Variants in UGT1A3 observed in about 807,000 individuals in gnomAD.
UGT1A3 encodes UDP-glucuronosyltransferase 1A3.
UGT1A3 carries 31 observed loss-of-function variants against 41.0 expected under a neutral mutation model. The ratio of observed to expected loss-of-function variants is 0.76; its 90% confidence interval spans 0.57 to 1.02. The LOEUF is 1.02. UGT1A3 is among the 50% of genes least tolerant of loss of function. The probability of loss-of-function intolerance (pLI) is 0.00; values close to 1 mark genes in which losing one functional copy is unlikely to be tolerated. For missense variants in UGT1A3, 737 were observed against 671.0 expected (o/e 1.10, Z -1.09); for synonymous variants, 262 against 257.6 (o/e 1.02, Z -0.17).
chr2:233,736,460 A>G (rs1342574700), intron 1 of UGT1A3, among the ~76,000 whole-genome samples: 1 of 152,154 alleles, frequency 6.6e-6, no homozygotes, highest in Non-Finnish European at 1.5e-5. Context: ...TCGAACATGC[A>G]CTTTTAGCTT....
At chr2:233,739,666 C>T (rs1691171708) in intron 1 of UGT1A3, among the ~76,000 whole-genome samples, 1 of 152,188 alleles carries the variant, frequency 6.6e-6, no homozygotes, top group East Asian at 1.9e-4. Context: ...CCCATTGTGT[C>T]TTGGAAGTTA....
chr2:233,763,255 TTTGTC>T (rs2126002913), intron 1 of UGT1A3, among the ~76,000 whole-genome samples: 2 of 152,364 alleles, frequency 1.3e-5, no homozygotes, highest in Non-Finnish European at 2.9e-5. Context: ...AGTAACCTGT[TTTGTC>T]TTGTTGCATG....
chr2:233,766,578 G>C (rs1048038001), intron 1 of UGT1A3, among the ~76,000 whole-genome samples: 1 of 152,134 alleles, frequency 6.6e-6, no homozygotes, highest in Non-Finnish European at 1.5e-5. Flanking sequence ...ACAGGTCTGG[G>C]GGTGGAGCCC....
intron 1 of UGT1A3, chr2:233,742,083 T>C (rs971909103): frequency 2.6e-5 from 4 of 151,868 alleles, no homozygotes; most frequent in Non-Finnish European, 5.9e-5. Context: ...ATCCTTTTTT[T>C]ACATTTCCAG....
At chr2:233,762,959 A>G (rs910713716) in intron 1 of UGT1A3, among the ~76,000 whole-genome samples, 4 of 152,252 alleles carry the variant, frequency 2.6e-5, no homozygotes, top group African/African-American at 9.6e-5. Flanking sequence ...GCAATAGGAA[A>G]GATGCCCGTC....
intron 1 of UGT1A3, among the ~76,000 whole-genome samples, chr2:233,732,241 G>T (rs2078253316): frequency 6.6e-6 from 1 of 152,170 alleles, no homozygotes; most frequent in South Asian, 2.1e-4. Context: ...TCTGTAGGTT[G>T]CCTGTTCACT....
rs1700515616 is a variant in UGT1A3, at chr2:233,772,390, C to A, written c.1436C>A (p.Ala479Asp). 4 of 1,614,144 alleles carry A rather than the reference C, an allele frequency of 2.5e-6. No individual in the cohort carries two copies. The highest frequency in any genetic ancestry group is 3.4e-6 in the Non-Finnish European group (4 of 1,180,058). Residue 479 changes from alanine (A) to aspartate (D), a missense_variant, in exon 5 of 5, where the codon GCC (alanine) becomes GAC (aspartate). Transcript: ENST00000482026. ...GGCGCGCCACACCTGCGCCCCGCAGCCCACGACCTCACCTGGTACCAGTAC... is the reference window on the plus strand; with the variant it reads ...GGCGCGCCACACCTGCGCCCCGCAGACCACGACCTCACCTGGTACCAGTAC... ...HKGAPHLRPA[A>D]HDLTWYQYHS...
chr2:233,729,232 A>T lies in UGT1A3; in HGVS notation c.106A>T (p.Ile36Phe). The change falls in exon 1 of 5, where the codon ATT becomes TTT. Residue 36 changes from isoleucine (I) to phenylalanine (F), a missense_variant. Coordinates refer to ENST00000482026, the MANE Select transcript of UGT1A3 (RefSeq NM_019093.4). ...AESGKVLVVP[I>F]DGSHWLSMRE... Reference sequence around the variant, plus strand: ...GAGTGGAAAGGTGTTGGTGGTGCCCATTGATGGCAGCCACTGGCTCAGCAT... The same window carrying T: ...GAGTGGAAAGGTGTTGGTGGTGCCCTTTGATGGCAGCCACTGGCTCAGCAT... The T allele has an allele frequency of 6.2e-7, 1 of 1,614,202 alleles. No individual in the cohort carries two copies. Among genetic ancestry groups the T allele is most frequent in the African/African-American group, 1.3e-5 (1 of 75,072 alleles).
At chr2:233,748,975 A>G (rs527445283) in intron 1 of UGT1A3, among the ~76,000 whole-genome samples, 1 of 151,758 alleles carries the variant, frequency 6.6e-6, no homozygotes, top group African/African-American at 2.4e-5. Context: ...AGTGGGATCT[A>G]CTTCTTTACC....
chr2:233,736,773 T>A (rs572779533), intron 1 of UGT1A3, among the ~76,000 whole-genome samples: 1 of 152,322 alleles, frequency 6.6e-6, no homozygotes, highest in African/African-American at 2.4e-5. Flanking sequence ...AACAGTCAGA[T>A]CCCTCAGCTG....
At chr2:233,739,292 G>A (rs907438916) in intron 1 of UGT1A3, among the ~76,000 whole-genome samples, 2 of 152,186 alleles carry the variant, frequency 1.3e-5, no homozygotes, top group African/African-American at 4.8e-5. Flanking sequence ...AGTCTCCACT[G>A]GGGCACTGCC....
chr2:233,759,557 C>T (rs1697172001), intron 1 of UGT1A3, among the ~76,000 whole-genome samples: 1 of 152,070 alleles, frequency 6.6e-6, no homozygotes, highest in South Asian at 2.1e-4. Context: ...AGTGAATTTC[C>T]CTTTCTGGTC....
At position 233,729,091 on chromosome 2, in the gene UGT1A3, G is replaced by C. The variant is rs745755811; in HGVS notation, c.-36G>C. 4.3e-5 allele frequency: 70 copies of C among 1,612,484 alleles called. No individual in the cohort carries two copies. Among genetic ancestry groups the C allele is most frequent in the Non-Finnish European group, 5.1e-5 (60 of 1,179,922 alleles). On this transcript the variant is annotated 5_prime_UTR_variant, in exon 1 of 5. Transcript: ENST00000482026. ...AAAGCAAATGTAGCAGGCACAGCGT[G>C]GGGTGGACAGTCAGCTGTCCGTGTC...
At chr2:233,732,493 G>A (rs141356640) in intron 1 of UGT1A3, among the ~76,000 whole-genome samples, 3,223 of 152,294 alleles carry the variant, frequency 0.021, 102 homozygotes, top group African/African-American at 0.073. Context: ...TGTATAAGGC[G>A]TAAGGAAGGG....
At chr2:233,761,722 G>C (rs1220395060) in intron 1 of UGT1A3, among the ~76,000 whole-genome samples, 1 of 152,224 alleles carries the variant, frequency 6.6e-6, no homozygotes, top group African/African-American at 2.4e-5. Context: ...CAAGCTATTA[G>C]GTTTATTTTT....
chr2:233,767,305 G>GT (rs1444114295), intron 2 of UGT1A3, 140 bp downstream of exon 2: 37 of 1,518,952 alleles, frequency 2.4e-5, no homozygotes, highest in Admixed American at 1.8e-4. Flanking sequence ...TAATCCAAAG[G>GT]TTTTTTTTGT....
At chr2:233,735,563 C>T (rs530958068) in intron 1 of UGT1A3, among the ~76,000 whole-genome samples, 4 of 152,230 alleles carry the variant, frequency 2.6e-5, no homozygotes, top group East Asian at 1.9e-4. Flanking sequence ...ATGGTGTTAT[C>T]GGGTTATTTT....
intron 1 of UGT1A3, among the ~76,000 whole-genome samples, chr2:233,738,666 G>A (rs919948655): frequency 6.6e-6 from 1 of 152,198 alleles, no homozygotes; most frequent in Non-Finnish European, 1.5e-5. Flanking sequence ...GAACTTGAGA[G>A]AGATGATCTG....
chr2:233,768,423 G>A lies in UGT1A3; in HGVS notation c.1291G>A (p.Val431Ile). The A allele has an allele frequency of 6.2e-7, 1 of 1,614,098 alleles. No homozygotes were observed. The highest frequency in any genetic ancestry group is 8.5e-7 in the Non-Finnish European group (1 of 1,180,004). The change falls in exon 4 of 5, where the codon GTC (valine) becomes ATC (isoleucine). Residue 431 changes from valine to isoleucine, a missense_variant. Coordinates refer to ENST00000482026, the MANE Select transcript of UGT1A3 (RefSeq NM_019093.4). ...AGATTTAGAAAATGCTCTAAAAGCA[G>A]TCATCAATGACAAAAGGTAAGAAAG... ...SEDLENALKAVINDKSYKENI... is the reference protein window; with the variant it reads ...SEDLENALKAIINDKSYKENI...
Sources: gnomAD v4.1 joint callset for allele counts (sites outside exome capture counted in the v4.1 genomes callset) on GRCh38, gnomAD v4.1.1 for gene constraint, MANE v1.5 for transcripts, NCBI Gene and HGNC (gene_info 2026-07-23, HGNC 2026-07-21) for gene names.